The following METTL22 variants were observed in gnomAD, a reference collection of about 807,000 sequenced individuals.
The protein encoded by METTL22 is methyltransferase-like protein 22.
Under a neutral mutation model 48.4 loss-of-function variants are expected in METTL22, and 51 were observed. The observed-to-expected ratio is 1.05, with a 90% CI of 0.84 to 1.33. The LOEUF (loss-of-function observed/expected upper bound fraction) is 1.33, where lower values mean the gene tolerates loss of function less well. Among genes scored for constraint, METTL22 ranks in the 40% most tolerant of loss-of-function variants. The probability of loss-of-function intolerance (pLI) is 0.00; values close to 1 mark genes in which losing one functional copy is unlikely to be tolerated. For missense variants in METTL22, 678 were observed against 526.9 expected, an observed-to-expected ratio of 1.29 and a Z score of -2.81; for synonymous variants, 255 against 214.1, an observed-to-expected ratio of 1.19 and a Z score of -1.67.
the METTL22 span, among the ~76,000 whole-genome samples, chr16:8,656,068 A>C: frequency 2.0e-5 from 3 of 152,130 alleles, no homozygotes; most frequent in Admixed American, 2.0e-4. Context: ...GGTATGTGGC[A>C]GGTTTTTGTT....
intron 3 of METTL22, among the ~76,000 whole-genome samples, 173 bp downstream of exon 3, chr16:8,629,283 C>G (rs148382551): frequency 9.2e-5 from 14 of 152,196 alleles, no homozygotes; most frequent in Non-Finnish European, 1.5e-4. Context: ...TCCTGCCCGG[C>G]TCACACCACC....
rs780073499 is a variant in METTL22 at position 8,628,970 on chromosome 16, T to C, written c.374T>C (p.Val125Ala). 1 of 1,614,018 alleles carries C rather than the reference T, an allele frequency of 6.2e-7. No individual in the cohort carries two copies. The change falls in exon 3 of 11, where the codon GTG becomes GCG. Residue 125 changes from valine to alanine, a missense_variant. By Grantham distance (64) the Val-to-Ala change is moderately conservative. Coordinates refer to ENST00000381920, the MANE Select transcript of METTL22 (RefSeq NM_024109.4). ...GATGAGGATGGGGATTTGGACGTGG[T>C]GAGAAGACCACGAGCCGCCTCTGAT... is the stretch of plus-strand genomic sequence containing the variant. ...QLDEDGDLDV[V>A]RRPRAASDSN...
chr16:8,641,480 ACAG>A (rs1400165740), intron 7 of METTL22: 2 of 557,382 alleles, frequency 3.6e-6, no homozygotes, highest in Admixed American at 4.4e-5. Flanking sequence ...CAGCTGGTAC[ACAG>A]CAGGGTAGGG....
chr16:8,641,532 A>G, intron 7 of METTL22: 1 of 508,296 alleles, frequency 2.0e-6, no homozygotes, highest in Non-Finnish European at 3.8e-6. Flanking sequence ...GGCACAGACC[A>G]TTTCCCAACA....
chr16:8,665,371 T>G, the METTL22 span, among the ~76,000 whole-genome samples: 12 of 152,218 alleles, frequency 7.9e-5, no homozygotes, highest in African/African-American at 2.2e-4. Context: ...GGTCTGACCT[T>G]GAACCCTGGT....
intron 2 of METTL22, among the ~76,000 whole-genome samples, chr16:8,626,783 T>TTTC (rs2056073560): frequency 7.1e-6 from 1 of 141,504 alleles, no homozygotes; most frequent in Non-Finnish European, 1.5e-5. Flanking sequence ...TTTTTTTTTT[T>TTTC]TGAGGCAGTC....
rs1401023385 is a variant in METTL22 at position 8,648,525 on chromosome 16, G to T, written c.*2382G>T. ...GCCTGTAATCCCAGCTACTTGGGAG[G>T]CTGAGGCAGGAGAATCACTTGAACC... On this transcript the variant is annotated 3_prime_UTR_variant, in exon 11 of 11. Transcript: ENST00000381920. 1 of 152,360 alleles carries T rather than the reference G, an allele frequency of 6.6e-6. No individual in the cohort carries two copies. The highest frequency in any genetic ancestry group is 1.9e-4 in the East Asian group (1 of 5,180). 9.4% of individuals were successfully genotyped at this position (152,360 alleles called of 1,614,324 possible).
the METTL22 span, among the ~76,000 whole-genome samples, chr16:8,662,540 G>A: frequency 6.9e-6 from 1 of 144,616 alleles, no homozygotes; most frequent in South Asian, 2.3e-4. Context: ...TTTCTTTGGA[G>A]CGTTTCTTCT....
intron 10 of METTL22, chr16:8,645,800 C>G (rs897706861): frequency 3.5e-5 from 18 of 512,734 alleles, no homozygotes; most frequent in African/African-American, 4.0e-5. Context: ...TTATAAAGAT[C>G]TCCCCCAAAA....
At position 8,647,052 on chromosome 16, in the gene METTL22, T is replaced by G; in HGVS notation, c.*909T>G. The G allele has an allele frequency of 3.7e-6, 1 of 272,090 alleles. No homozygotes were observed. Among genetic ancestry groups the G allele is most frequent in the Non-Finnish European group, 7.3e-6 (1 of 137,860 alleles). The allele number at this position is 272,090 out of a possible 1,614,324, so 16.9% of individuals were successfully genotyped here. A position where few individuals can be genotyped will look rare whatever the true frequency, so the allele number is the denominator to read the frequency against. ...CCTGCCTTGCTGCTGCCGCACACTT[T>G]GCACCAGGGCCTTTCATGGCCCCTT... is the stretch of plus-strand genomic sequence containing the variant. On this transcript the variant is annotated 3_prime_UTR_variant, in exon 11 of 11. Coordinates refer to ENST00000381920, the MANE Select transcript of METTL22 (RefSeq NM_024109.4).
chr16:8,665,973 T>C, the METTL22 span, among the ~76,000 whole-genome samples: 2 of 152,202 alleles, frequency 1.3e-5, no homozygotes, highest in African/African-American at 4.8e-5. Context: ...CAGACTATGA[T>C]AGCCCAGCAG....
intron 1 of METTL22, among the ~76,000 whole-genome samples, chr16:8,625,189 G>T (rs1023023842): frequency 6.6e-6 from 1 of 152,106 alleles, no homozygotes; most frequent in African/African-American, 2.4e-5. Flanking sequence ...ATGTCATGAT[G>T]TCTACAATGT....
rs1567250294 is a variant in METTL22 at position 8,646,768 on chromosome 16, GC to G, written c.*626del. The G allele has an allele frequency of 2.3e-6, 1 of 434,452 alleles. No individual in the cohort carries two copies. The highest frequency in any genetic ancestry group is 2.0e-5 in the African/African-American group (1 of 49,444). The allele number at this position is 434,452 out of a possible 1,614,324, so 26.9% of individuals were successfully genotyped here. A position where few individuals can be genotyped will look rare whatever the true frequency, so the allele number is the denominator to read the frequency against. ...GAGCCACTCTTTGGGGTCATGTGCA[GC>G]TGACCAGGGTTTGTGCAGTGATCTT... On this transcript the variant is annotated 3_prime_UTR_variant, in exon 11 of 11. Coordinates refer to ENST00000381920, the MANE Select transcript of METTL22 (RefSeq NM_024109.4).
downstream of METTL22, among the ~76,000 whole-genome samples, chr16:8,651,386 C>CAAAAAAA (rs768911703): frequency 0.019 from 923 of 49,038 alleles, 139 homozygotes; most frequent in African/African-American, 0.072. Context: ...GACTCTGTCT[C>CAAAAAAA]AAAAAAAAAA....
chr16:8,635,059 C>G lies in METTL22; in HGVS notation c.535C>G (p.Leu179Val). 3 of 1,613,832 alleles carry G rather than the reference C, an allele frequency of 1.9e-6. No individual in the cohort carries two copies. The highest frequency in any genetic ancestry group is 2.5e-6 in the Non-Finnish European group (3 of 1,180,034). ...IRIEHTMATP[L>V]EDVGKQVWRG... The stretch of plus-strand genomic sequence containing the variant: ...TCCAGAGCACACCATGGCCACGCCC[C>G]TGGAGGATGTTGGCAAGCAGGTGGG... The change falls in exon 4 of 11, where the codon CTG becomes GTG. Residue 179 changes from leucine (L) to valine (V), a missense_variant. By Grantham distance (32) the Leu-to-Val change is conservative. Coordinates refer to ENST00000381920, the MANE Select transcript of METTL22 (RefSeq NM_024109.4).
At chr16:8,659,164 G>C in the METTL22 span, among the ~76,000 whole-genome samples, 15 of 151,922 alleles carry the variant, frequency 9.9e-5, no homozygotes, top group Non-Finnish European at 1.9e-4. Context: ...AACCCCATCT[G>C]TACTAAAAAT....
At chr16:8,645,503 C>T (rs72766494) in intron 10 of METTL22, among the ~76,000 whole-genome samples, 30,644 of 152,180 alleles carry the variant, frequency 0.2, 3,790 homozygotes, top group East Asian at 0.47. Context: ...AGGCCAGGTA[C>T]GGTGGCTCCC....
chr16:8,642,727 G>C (rs1013426889), intron 9 of METTL22, 162 bp downstream of exon 9: 63 of 700,892 alleles, frequency 9.0e-5, no homozygotes, highest in Non-Finnish European at 1.5e-4. Context: ...GTACGTTACT[G>C]CACTGAATCT....
At chr16:8,644,080 A>G (rs1567245786) in intron 9 of METTL22, among the ~76,000 whole-genome samples, 1 of 151,184 alleles carries the variant, frequency 6.6e-6, no homozygotes, top group East Asian at 2.0e-4. Context: ...GAAGGTGCTC[A>G]CTCTCTGAAA....
Sources: allele counts gnomAD v4.1 joint callset (sites outside exome capture counted in the v4.1 genomes callset), GRCh38; gene constraint gnomAD v4.1.1; transcripts MANE v1.5; gene names NCBI Gene and HGNC (gene_info 2026-07-23, HGNC 2026-07-21).